The following DYNC2H1 variants were observed in gnomAD, a reference collection of about 807,000 sequenced individuals.
The protein encoded by DYNC2H1 is dynein cytoplasmic 2 heavy chain 1, also known as cytoplasmic dynein 2 heavy chain 1.
DYNC2H1 carries 410 observed loss-of-function variants against 570.0 expected under a neutral mutation model. The observed-to-expected ratio is 0.72, with a 90% CI of 0.66 to 0.78. The LOEUF is 0.78. Ranked by LOEUF, DYNC2H1 falls within the 30% of genes least tolerant of loss-of-function variation. DYNC2H1 has a pLI of 0.00. For synonymous variants in DYNC2H1, 1,688 were observed against 1,677.6 expected (o/e 1.01, Z -0.15); for missense variants, 4,865 against 5,046.4 (o/e 0.96, Z 1.09).
At chr11:103,478,224 GT>G (rs1477908632) in intron 88 of DYNC2H1, among the ~76,000 whole-genome samples, 1 of 152,098 alleles carries the variant, frequency 6.6e-6, no homozygotes, top group African/African-American at 2.4e-5. Context: ...AACATTCACT[GT>G]TTTGAAAACA....
intron 75 of DYNC2H1, among the ~76,000 whole-genome samples, chr11:103,302,229 C>A (rs1867079232): frequency 6.6e-6 from 1 of 151,954 alleles, no homozygotes; most frequent in Non-Finnish European, 1.5e-5. Context: ...TAATCAATTT[C>A]TTTGAGTATT....
intron 35 of DYNC2H1, among the ~76,000 whole-genome samples, chr11:103,173,719 T>G (rs2134978379): frequency 6.6e-6 from 1 of 152,206 alleles, no homozygotes; most frequent in East Asian, 1.9e-4. Context: ...TCCATATCAC[T>G]TAAGAGATAA....
At chr11:103,413,316 AATAATT>A (rs1199396239) in intron 84 of DYNC2H1, among the ~76,000 whole-genome samples, 1 of 152,238 alleles carries the variant, frequency 6.6e-6, no homozygotes, top group Non-Finnish European at 1.5e-5. Flanking sequence ...TATTTTAACA[AATAATT>A]ATAAACGTTG....
chr11:103,156,582 G>A lies in DYNC2H1; in HGVS notation c.3939G>A (p.Lys1313=). Residue 1313 remains lysine, a synonymous_variant, in exon 26 of 89, where the codon AAG becomes AAA. Coordinates refer to ENST00000375735, the MANE Select transcript of DYNC2H1 (RefSeq NM_001377.3). ...GDNRCLLQSL[K]DSPYYKGFED... ...ATAGATGCCTTCTCCAATCCTTAAAGGATTCTCCTTATTATAAAGGATTTG... is the reference window on the plus strand; with the variant it reads ...ATAGATGCCTTCTCCAATCCTTAAAAGATTCTCCTTATTATAAAGGATTTG... 2 of 1,613,612 alleles carry A rather than the reference G, an allele frequency of 1.2e-6. No individual in the cohort carries two copies. Among genetic ancestry groups the A allele is most frequent in the Non-Finnish European group, 8.5e-7 (1 of 1,179,652 alleles).
Position 103,299,816 on chromosome 11 carries a change from G to T in DYNC2H1, c.11096-3277G>T, listed in dbSNP as rs1266080759. Reference sequence around the variant, plus strand: ...TTTAGTTTTTGATTGAATAACCAGGGCTTAGGATTCTTGAAAGAGGTATCT... The same window carrying T: ...TTTAGTTTTTGATTGAATAACCAGGTCTTAGGATTCTTGAAAGAGGTATCT... On this transcript the variant is annotated intron_variant, in intron 75 of 88. Coordinates refer to ENST00000375735, the MANE Select transcript of DYNC2H1 (RefSeq NM_001377.3). This position sits in a 1 kb window ranked among gnomAD's most constrained non-coding sequence, Gnocchi z 4.5. Among the ~76,000 whole-genome samples the T allele has an allele frequency of 6.6e-6, 1 of 151,966 alleles. No individual in the cohort carries two copies. Among genetic ancestry groups the T allele is most frequent in the Non-Finnish European group, 1.5e-5 (1 of 67,944 alleles).
intron 88 of DYNC2H1, among the ~76,000 whole-genome samples, chr11:103,477,996 G>T (rs1565633858): frequency 6.6e-6 from 1 of 151,972 alleles, no homozygotes; most frequent in Non-Finnish European, 1.5e-5. Context: ...TGTCATACTA[G>T]AAAGGCAGTG....
intron 55 of DYNC2H1, among the ~76,000 whole-genome samples, chr11:103,217,605 A>G (rs1197037085): frequency 6.6e-6 from 1 of 152,222 alleles, no homozygotes; most frequent in African/African-American, 2.4e-5. Context: ...GATGGATCTT[A>G]GTGTAGAACA....
intron 15 of DYNC2H1, 149 bp downstream of exon 15, chr11:103,134,568 A>G (rs1859443379): frequency 2.2e-6 from 1 of 459,892 alleles, no homozygotes; most frequent in South Asian, 6.9e-5. Flanking sequence ...TGACTGAATT[A>G]TATATAAAGA....
chr11:103,402,725 G>A (rs1942694899), intron 84 of DYNC2H1: 2 of 152,146 alleles, frequency 1.3e-5, no homozygotes, highest in South Asian at 2.1e-4. Flanking sequence ...ATAGTTGATA[G>A]TACTAGTGTG....
At chr11:103,293,357 C>G (rs1297382347) in intron 75 of DYNC2H1, among the ~76,000 whole-genome samples, 1 of 151,904 alleles carries the variant, frequency 6.6e-6, no homozygotes, top group Non-Finnish European at 1.5e-5. Flanking sequence ...TTTTCTTTGT[C>G]CTTGGCCTTT....
At chr11:103,294,078 A>T (rs561770251) in intron 75 of DYNC2H1, among the ~76,000 whole-genome samples, 3 of 152,078 alleles carry the variant, frequency 2.0e-5, no homozygotes, top group South Asian at 2.1e-4. Context: ...GTCTCAAAAA[A>T]TTTTTTTCTC....
intron 60 of DYNC2H1, among the ~76,000 whole-genome samples, 192 bp downstream of exon 60, chr11:103,231,538 T>C (rs1864010736): frequency 6.6e-6 from 1 of 152,128 alleles, no homozygotes; most frequent in East Asian, 1.9e-4. Context: ...CTTTTTTCTC[T>C]TTTGTGTTAA....
intron 82 of DYNC2H1, 102 bp from the exon 83 acceptor site, chr11:103,358,141 C>T (rs1940445011): frequency 7.9e-6 from 5 of 632,342 alleles, no homozygotes; most frequent in Non-Finnish European, 1.3e-5. Flanking sequence ...TTTTTGGTCT[C>T]TATTTTTATA....
chr11:103,265,716 G>A (rs1236067371), intron 70 of DYNC2H1, among the ~76,000 whole-genome samples: 1 of 152,196 alleles, frequency 6.6e-6, no homozygotes, highest in East Asian at 1.9e-4. Flanking sequence ...AGGTGATGAA[G>A]TTGTTTGGAG....
chr11:103,176,994 C>T (rs922210800), intron 37 of DYNC2H1, among the ~76,000 whole-genome samples: 2 of 152,174 alleles, frequency 1.3e-5, no homozygotes, highest in African/African-American at 4.8e-5. Context: ...GCCTGAGCCA[C>T]CGCATCTGGC....
intron 75 of DYNC2H1, among the ~76,000 whole-genome samples, chr11:103,293,260 T>C (rs1866687139): frequency 6.6e-6 from 1 of 152,184 alleles, no homozygotes; most frequent in African/African-American, 2.4e-5. Context: ...TCATGGCATG[T>C]GAGGGTTCCA....
Position 103,170,170 on chromosome 11 carries a change from A to G in DYNC2H1, c.5031A>G (p.Gln1677=). 1.2e-6 allele frequency: 2 copies of G among 1,613,156 alleles called. No individual in the cohort carries two copies. The highest frequency in any genetic ancestry group is 1.7e-4 in the Middle Eastern group (1 of 6,058). The change falls in exon 33 of 89, where the codon CAA becomes CAG. Residue 1677 remains glutamine, a synonymous_variant. Transcript: ENST00000375735. This position sits in a 1 kb window ranked among gnomAD's most constrained non-coding sequence, Gnocchi z 4.8. ...LTDKCYLTLT[Q]AMKMGLGGNP... ...ACAAGTGCTACTTAACTCTCACTCA[A>G]GCCATGAAGATGGGACTTGGAGGAA...
chr11:103,136,103 A>G (rs1859525600), intron 17 of DYNC2H1, among the ~76,000 whole-genome samples, 155 bp downstream of exon 17: 1 of 152,034 alleles, frequency 6.6e-6, no homozygotes, highest in South Asian at 2.1e-4. Context: ...TATACAACCT[A>G]GATTTATACT....
Position 103,234,148 on chromosome 11 carries a change from A to T in DYNC2H1, c.9555A>T (p.Arg3185Ser). ...ATCAGCTTGACAGAGAACATAAGAG[A>T]TGGAATGCACAGGTTTGTTTGAGAG... The part of the protein sequence containing the change: ...LINQLDREHK[R>S]WNAQVVEITE... The change falls in exon 61 of 89, where the codon AGA (arginine) becomes AGT (serine). Residue 3185 changes from arginine (R) to serine (S), a missense_variant. Transcript: ENST00000375735. 1 of 1,585,114 alleles carries T rather than the reference A, an allele frequency of 6.3e-7. No individual in the cohort carries two copies.
Sources: gnomAD v4.1 joint callset for allele counts (sites outside exome capture counted in the v4.1 genomes callset) on GRCh38, gnomAD v4.1.1 for gene constraint, Gnocchi (gnomAD v3.1) non-coding constraint, MANE v1.5 for transcripts, NCBI Gene and HGNC (gene_info 2026-07-23, HGNC 2026-07-21) for gene names.